HIVEP1: variants seen among roughly 807,000 people sequenced by gnomAD.
HIVEP1 encodes zinc finger protein 40.
In HIVEP1, 36 loss-of-function variants were observed where a neutral mutation model predicts 180.0. That is an observed-to-expected ratio of 0.20 (90% CI 0.15 to 0.26). The LOEUF (loss-of-function observed/expected upper bound fraction) is 0.26, where lower values mean the gene tolerates loss of function less well. Ranked by LOEUF, HIVEP1 falls within the 10% of genes least tolerant of loss-of-function variation. The pLI is 1.00. For missense variants in HIVEP1, 3,143 were observed against 3,268.7 expected (o/e 0.96, Z 0.94); for synonymous variants, 1,239 against 1,239.0 (o/e 1.00, Z 0.00).
At chr6:12,017,718 CCCACTAGA>C (rs1767906819) in intron 2 of HIVEP1, among the ~76,000 whole-genome samples, 1 of 152,194 alleles carries the variant, frequency 6.6e-6, no homozygotes, top group African/African-American at 2.4e-5. Context: ...TCTCCAGGTC[CCCACTAGA>C]TTAGCTAGAT....
At chr6:12,209,919 A>G in the HIVEP1 span, among the ~76,000 whole-genome samples, 1 of 152,118 alleles carries the variant, frequency 6.6e-6, no homozygotes, top group Non-Finnish European at 1.5e-5. Context: ...TTGTAGGGAA[A>G]CTTTGATTCA....
At chr6:12,118,141 G>GTTTTT (rs376648879) in intron 3 of HIVEP1, among the ~76,000 whole-genome samples, 1 of 135,000 alleles carries the variant, frequency 7.4e-6, no homozygotes, top group Non-Finnish European at 1.7e-5. Context: ...ACCCCCTTTT[G>GTTTTT]TTTTTTTTTT....
intron 7 of HIVEP1, among the ~76,000 whole-genome samples, chr6:12,141,690 G>GAAAAAAAAAA (rs1759040723): frequency 3.2e-4 from 1 of 3,158 alleles, no homozygotes; most frequent in Admixed American, 5.4e-3. Context: ...CAAATGGAAA[G>GAAAAAAAAAA]CAAAAAAAAA....
chr6:12,130,881 A>C lies in HIVEP1; in HGVS notation c.6324A>C (p.Arg2108=), dbSNP rs1490248538. Residue 2108 remains arginine (R), a synonymous_variant, in exon 6 of 9, where the codon CGA becomes CGC. Coordinates refer to ENST00000379388, the MANE Select transcript of HIVEP1 (RefSeq NM_002114.4). The part of the protein sequence containing the change: ...KKPSMLKKHI[R]THTDVRPYHC... ...CTAGCATGTTAAAGAAACACATACG[A>C]ACCCATACAGATGTCCGCCCCTACC... 1.9e-6 allele frequency: 3 copies of C among 1,613,566 alleles called. No individual in the cohort carries two copies. The highest frequency in any genetic ancestry group is 2.5e-6 in the Non-Finnish European group (3 of 1,179,540).
intron 2 of HIVEP1, chr6:12,020,384 T>C (rs940175235): frequency 4.2e-6 from 2 of 471,098 alleles, no homozygotes; most frequent in Non-Finnish European, 8.8e-6. Flanking sequence ...GAAGGGTCAC[T>C]GGACTGCACG....
intron 2 of HIVEP1, among the ~76,000 whole-genome samples, chr6:12,025,865 C>A (rs915857154): frequency 2.0e-5 from 3 of 152,132 alleles, no homozygotes; most frequent in African/African-American, 7.2e-5. Context: ...CATGGCGAAA[C>A]CCTGTCCCTA....
chr6:12,152,199 T>G (rs997783813), intron 7 of HIVEP1, among the ~76,000 whole-genome samples: 2 of 152,232 alleles, frequency 1.3e-5, no homozygotes, highest in East Asian at 3.9e-4. Context: ...AAAAAACCAG[T>G]TACTCAACAT....
chr6:12,014,190 G>C lies in HIVEP1; in HGVS notation c.-103-1336G>C, dbSNP rs547456183. Among the ~76,000 whole-genome samples, 9 of 152,262 alleles carry C rather than the reference G, an allele frequency of 5.9e-5. No individual in the cohort carries two copies. The South Asian group carries it at 1.7e-3, about 28-fold the overall frequency. ...AACCTGAACAAGGCCACACAGTAAG[G>C]GGTAAAGCCTGGCTTTGAACCCACT... is the stretch of plus-strand genomic sequence containing the variant. On this transcript the variant is annotated intron_variant, in intron 1 of 8. Coordinates refer to ENST00000379388, the MANE Select transcript of HIVEP1 (RefSeq NM_002114.4).
chr6:12,052,564 G>A (rs1365207806), intron 2 of HIVEP1, among the ~76,000 whole-genome samples: 1 of 152,192 alleles, frequency 6.6e-6, no homozygotes, highest in African/African-American at 2.4e-5. Context: ...TGTTCCATCA[G>A]TCATCTCTTT....
intron 2 of HIVEP1, among the ~76,000 whole-genome samples, chr6:12,032,203 C>T (rs577343879): frequency 1.3e-3 from 195 of 146,816 alleles, no homozygotes; most frequent in African/African-American, 4.7e-3. Flanking sequence ...TGTAGTGGCG[C>T]GATTTCGGCT....
At chr6:12,081,375 A>T (rs1295375323) in intron 2 of HIVEP1, among the ~76,000 whole-genome samples, 1 of 152,120 alleles carries the variant, frequency 6.6e-6, no homozygotes, top group African/African-American at 2.4e-5. Flanking sequence ...GTAGCCCCTT[A>T]CACACTCACT....
chr6:12,196,492 C>T, the HIVEP1 span, among the ~76,000 whole-genome samples: 1 of 152,222 alleles, frequency 6.6e-6, no homozygotes. Flanking sequence ...TCCTCTGTAG[C>T]CACTGATCCT....
chr6:12,140,713 G>A (rs1229333538), intron 7 of HIVEP1, among the ~76,000 whole-genome samples: 2 of 152,174 alleles, frequency 1.3e-5, no homozygotes, highest in East Asian at 1.9e-4. Context: ...CGAGAACTAC[G>A]TGACGCATAC....
In HIVEP1 at chr6:12,161,666, T is replaced by C. The variant is rs772948231; in HGVS notation, c.6715T>C (p.Ser2239Pro). ...GGATGTCAGGATCACCGATTGCTTT[T>C]CTGGGGTACACACGGACCCAATGGA... Reference protein sequence around the residue: ...DEDVRITDCFSGVHTDPMDVL... With the variant: ...DEDVRITDCFPGVHTDPMDVL... The change falls in exon 8 of 9, where the codon TCT (serine) becomes CCT (proline). Residue 2239 changes from serine to proline, a missense_variant. By Grantham distance (74) the Ser-to-Pro change is moderately conservative. This residue lies in a region of HIVEP1 where 595 missense variants were observed against 602.2 expected (regional missense o/e 0.99). Transcript: ENST00000379388. 1 of 1,614,184 alleles carries C rather than the reference T, an allele frequency of 6.2e-7. No homozygotes were observed. Among genetic ancestry groups the C allele is most frequent in the Non-Finnish European group, 8.5e-7 (1 of 1,180,026 alleles).
the HIVEP1 span, among the ~76,000 whole-genome samples, chr6:12,176,793 G>A: frequency 1.3e-5 from 2 of 152,052 alleles, no homozygotes; most frequent in Non-Finnish European, 2.9e-5. Flanking sequence ...TGTTTACTCT[G>A]TTGATATATT....
chr6:12,129,288 G>T (rs1485800826), intron 4 of HIVEP1, among the ~76,000 whole-genome samples: 1 of 152,176 alleles, frequency 6.6e-6, no homozygotes, highest in East Asian at 1.9e-4. Context: ...ACCTTATAAT[G>T]CACTGAAGCT....
At chr6:12,145,768 A>G (rs901232110) in intron 7 of HIVEP1, among the ~76,000 whole-genome samples, 6 of 152,188 alleles carry the variant, frequency 3.9e-5, no homozygotes, top group South Asian at 2.1e-4. Flanking sequence ...TTTATTATCT[A>G]TTTCTTCCAA....
downstream of HIVEP1, among the ~76,000 whole-genome samples, chr6:12,167,458 T>A (rs919329945): frequency 2.7e-5 from 4 of 150,676 alleles, no homozygotes; most frequent in Non-Finnish European, 4.4e-5. Flanking sequence ...AAGAATCTTC[T>A]CTCAAAGTGA....
In HIVEP1 at chr6:12,016,587, C is replaced by T. The variant is rs115840300; in HGVS notation, c.40+919C>T. 7.9e-3 allele frequency among the ~76,000 whole-genome samples: 1,198 copies of T among 152,254 alleles called. 4 individuals carry two copies. The highest frequency in any genetic ancestry group is 0.012 in the Non-Finnish European group (839 of 68,020). On this transcript the variant is annotated intron_variant, in intron 2 of 8. Coordinates refer to ENST00000379388, the MANE Select transcript of HIVEP1 (RefSeq NM_002114.4). ...ATAAGGTGATCTTTGAAAATGCAGT[C>T]AATTTTATGGCCTCCGTGAATCTGG...
Sources: allele counts gnomAD v4.1 joint callset (sites outside exome capture counted in the v4.1 genomes callset), GRCh38; gene constraint gnomAD v4.1.1; regional missense constraint gnomAD v4.1.1; transcripts MANE v1.5; gene names NCBI Gene and HGNC (gene_info 2026-07-23, HGNC 2026-07-21).